The following RGS6 variants were observed in gnomAD, a reference collection of about 807,000 sequenced individuals.
RGS6 encodes the protein regulator of G-protein signaling 6.
A neutral mutation model predicts 78.5 loss-of-function variants in RGS6; 30 were observed. The ratio of observed to expected loss-of-function variants is 0.38; its 90% CI spans 0.29 to 0.52. The LOEUF is 0.52. RGS6 is among the 20% of genes least tolerant of loss of function. RGS6 has a pLI of 0.85. For synonymous variants in RGS6, 206 were observed against 206.0 expected (o/e 1.00, Z 0.00); for missense variants, 495 against 609.7 (o/e 0.81, Z 1.98).
intron 2 of RGS6, among the ~76,000 whole-genome samples, chr14:72,237,503 G>A (rs1474247601): frequency 2.0e-5 from 3 of 152,146 alleles, no homozygotes; most frequent in South Asian, 4.1e-4. Context: ...GTTCTCAGAT[G>A]AGCTTCGTAA....
At position 72,488,271 on chromosome 14, in the gene RGS6, C is replaced by T. The variant is rs150301989; in HGVS notation, c.855-6881C>T. On this transcript the variant is annotated intron_variant, in intron 12 of 17. Transcript: ENST00000553525. ...TTTCTGTGTTCCTTCTCCACGTGTT[C>T]CTCTATAGCATGTCTTGACGCCTCT... Among the ~76,000 whole-genome samples, 730 of 152,314 alleles carry T rather than the reference C, an allele frequency of 4.8e-3. 4 individuals carry two copies. The highest frequency in any genetic ancestry group is 0.016 in the African/African-American group (674 of 41,560).
the RGS6 span, among the ~76,000 whole-genome samples, chr14:71,873,668 GGCTTTTGTT>G: frequency 2.0e-5 from 3 of 152,074 alleles, no homozygotes; most frequent in African/African-American, 7.2e-5. Flanking sequence ...TTCTCAATTT[GGCTTTTGTT>G]GCCACTGCTT....
chr14:72,082,097 C>A (rs1388944691), intron 2 of RGS6, among the ~76,000 whole-genome samples: 1 of 151,642 alleles, frequency 6.6e-6, no homozygotes, highest in Non-Finnish European at 1.5e-5. Context: ...ATGAGACATG[C>A]CAGAGCAGGA....
intron 2 of RGS6, among the ~76,000 whole-genome samples, chr14:72,036,309 G>A (rs888239198): frequency 6.6e-6 from 1 of 150,464 alleles, no homozygotes; most frequent in African/African-American, 2.5e-5. Context: ...CCATTGTAGA[G>A]CATTTGGCTG....
At chr14:72,406,922 A>G (rs1464991621) in intron 3 of RGS6, among the ~76,000 whole-genome samples, 1 of 152,206 alleles carries the variant, frequency 6.6e-6, no homozygotes, top group African/African-American at 2.4e-5. Context: ...CATGATCTCA[A>G]TAGTCAGGTT....
chr14:72,482,355 G>C (rs763175218), intron 12 of RGS6, among the ~76,000 whole-genome samples: 2 of 152,126 alleles, frequency 1.3e-5, no homozygotes, highest in Non-Finnish European at 2.9e-5. Context: ...CTGTCTGTCT[G>C]CTTTCTCTAC....
chr14:72,552,242 CAGAG>C (rs774471000), intron 17 of RGS6, among the ~76,000 whole-genome samples: 4 of 152,170 alleles, frequency 2.6e-5, no homozygotes, highest in Non-Finnish European at 4.4e-5. Flanking sequence ...AAAGTCAACT[CAGAG>C]AGTTAGTTTT....
chr14:72,593,396 G>GT, the RGS6 span, among the ~76,000 whole-genome samples: 2 of 126,144 alleles, frequency 1.6e-5, no homozygotes, highest in Admixed American at 7.9e-5. Flanking sequence ...TTTTTGTTTT[G>GT]TTTTTTTGAG....
intron 3 of RGS6, among the ~76,000 whole-genome samples, chr14:72,411,211 G>A (rs2093387569): frequency 6.6e-6 from 1 of 152,172 alleles, no homozygotes; most frequent in East Asian, 1.9e-4. Flanking sequence ...AGCATGGAAT[G>A]TTCTTGCATT....
At chr14:71,887,079 A>G in the RGS6 span, among the ~76,000 whole-genome samples, 2 of 152,178 alleles carry the variant, frequency 1.3e-5, no homozygotes, top group African/African-American at 2.4e-5. Context: ...AGGGACCCCA[A>G]ACGGAGGGAC....
In RGS6 at chr14:72,536,256, T is replaced by G. The variant is rs1188449795; in HGVS notation, c.1349T>G (p.Leu450Trp). ...CTCCGGTCAAATGCTTACCAGGATT[T>G]GCTGCTGGCCAAGAAGAAGGTATCT... ...RFLRSNAYQDLLLAKKKPESE... is the reference protein window; with the variant it reads ...RFLRSNAYQDWLLAKKKPESE... Residue 450 changes from leucine (L) to tryptophan (W), a missense_variant, in exon 16 of 18, where the codon TTG (leucine) becomes TGG (tryptophan). By Grantham distance (61) the Leu-to-Trp change is moderately conservative (BLOSUM62 -2). Transcript: ENST00000553525. 1.9e-6 allele frequency: 3 copies of G among 1,613,836 alleles called. No homozygotes were observed. In the African/African-American group the frequency reaches 4.0e-5, roughly 22 times the overall value.
At chr14:72,125,576 T>A (rs1211750512) in intron 2 of RGS6, among the ~76,000 whole-genome samples, 1 of 152,030 alleles carries the variant, frequency 6.6e-6, no homozygotes, top group Non-Finnish European at 1.5e-5. Flanking sequence ...ATCTCAAATC[T>A]GCCTCCTCAA....
At chr14:72,184,449 C>A (rs542116171) in intron 2 of RGS6, among the ~76,000 whole-genome samples, 13 of 151,186 alleles carry the variant, frequency 8.6e-5, no homozygotes, top group Admixed American at 7.9e-4. Context: ...CCCAACCCAA[C>A]AAACCACTTA....
At chr14:72,553,503 G>C (rs1599081188) in intron 17 of RGS6, 1 of 152,416 alleles carries the variant, frequency 6.6e-6, no homozygotes, top group Admixed American at 6.5e-5. Context: ...TCCAGGGACA[G>C]TCGGCAGCAC....
intron 3 of RGS6, among the ~76,000 whole-genome samples, chr14:72,424,467 C>A (rs1489323619): frequency 6.6e-6 from 1 of 152,022 alleles, no homozygotes; most frequent in African/African-American, 2.4e-5. Flanking sequence ...TTCTGAGATG[C>A]CGTTCTGTTG....
At chr14:72,019,079 A>C (rs1169326147) in intron 2 of RGS6, among the ~76,000 whole-genome samples, 1 of 152,182 alleles carries the variant, frequency 6.6e-6, no homozygotes, top group Non-Finnish European at 1.5e-5. Flanking sequence ...ACCATGAGCC[A>C]GGCAGCACGT....
At chr14:72,066,719 A>G (rs1318203750) in intron 2 of RGS6, among the ~76,000 whole-genome samples, 2 of 152,082 alleles carry the variant, frequency 1.3e-5, no homozygotes, top group Non-Finnish European at 2.9e-5. Context: ...TACAGGAAAA[A>G]AAATACAGTT....
At chr14:71,956,748 A>G (rs1566906738) in intron 1 of RGS6, among the ~76,000 whole-genome samples, 1 of 152,156 alleles carries the variant, frequency 6.6e-6, no homozygotes, top group Non-Finnish European at 1.5e-5. Flanking sequence ...CCCAGGATCA[A>G]TACTTTGCAT....
intron 2 of RGS6, among the ~76,000 whole-genome samples, chr14:72,163,396 C>T (rs1158690566): frequency 6.6e-6 from 1 of 152,136 alleles, no homozygotes; most frequent in African/African-American, 2.4e-5. Flanking sequence ...TCACAGTCAA[C>T]CAGTGATGGA....
Sources: gnomAD v4.1 joint callset for allele counts (sites outside exome capture counted in the v4.1 genomes callset) on GRCh38, gnomAD v4.1.1 for gene constraint, MANE v1.5 for transcripts, NCBI Gene and HGNC (gene_info 2026-07-23, HGNC 2026-07-21) for gene names.